OXR1: variants seen among roughly 807,000 people sequenced by gnomAD.
OXR1 encodes oxidation resistance 1, also known as oxidation resistance protein 1.
Under a neutral mutation model 104.6 loss-of-function variants are expected in OXR1, and 41 were observed. The ratio of observed to expected loss-of-function variants is 0.39; its 90% CI spans 0.31 to 0.51. OXR1 has a LOEUF of 0.51. Among genes scored for constraint, OXR1 ranks in the 20% least tolerant of loss-of-function variants. The pLI is 0.77. For synonymous variants in OXR1, 348 were observed against 348.4 expected (o/e 1.00, Z 0.01); for missense variants, 955 against 1,031.9 (o/e 0.93, Z 1.02).
At chr8:106,700,915 A>C (rs925219934) in intron 7 of OXR1, among the ~76,000 whole-genome samples, 4 of 152,034 alleles carry the variant, frequency 2.6e-5, no homozygotes, top group Non-Finnish European at 5.9e-5. Flanking sequence ...CCTTTCTCAA[A>C]TAAGTTTACA....
At chr8:106,318,306 A>T (rs1016976161) in intron 1 of OXR1, among the ~76,000 whole-genome samples, 3 of 152,194 alleles carry the variant, frequency 2.0e-5, no homozygotes, top group African/African-American at 7.2e-5. Context: ...TTTAAAAGCT[A>T]TGTTGTATAG....
At chr8:106,649,907 A>G (rs1196827591) in intron 3 of OXR1, among the ~76,000 whole-genome samples, 1 of 152,286 alleles carries the variant, frequency 6.6e-6, no homozygotes, top group African/African-American at 2.4e-5. Context: ...TGTGTTAGCC[A>G]GAATGGTCTC....
chr8:106,330,863 G>A (rs1037607473), intron 1 of OXR1, among the ~76,000 whole-genome samples: 3 of 152,178 alleles, frequency 2.0e-5, no homozygotes, highest in Middle Eastern at 3.2e-3. Flanking sequence ...CTACTCAAAT[G>A]TGTAGTTGTT....
chr8:106,660,706 C>T (rs1202781778), intron 3 of OXR1, among the ~76,000 whole-genome samples: 1 of 152,108 alleles, frequency 6.6e-6, no homozygotes, highest in East Asian at 1.9e-4. Context: ...TAAGGATAGA[C>T]CAGATAAAAT....
chr8:106,420,375 C>T (rs1353622867), intron 2 of OXR1, among the ~76,000 whole-genome samples: 3 of 151,730 alleles, frequency 2.0e-5, no homozygotes, highest in East Asian at 1.9e-4. Flanking sequence ...TTATTCTTTA[C>T]TAATATATTT....
chr8:106,729,230 A>G (rs1017853774), intron 11 of OXR1, among the ~76,000 whole-genome samples: 1 of 152,118 alleles, frequency 6.6e-6, no homozygotes, highest in Non-Finnish European at 1.5e-5. Context: ...CATAGCAATC[A>G]TACTACAACT....
chr8:106,751,112 C>T lies in OXR1; in HGVS notation c.*171C>T. ...TGGAGTTTATTTTTCAAATCATGTT[C>T]TTGTCCCAGAGTTCTTTAGGTTAAC... On this transcript the variant is annotated 3_prime_UTR_variant, in exon 17 of 17. Transcript: ENST00000517566. 2.0e-6 allele frequency: 1 copy of T among 511,144 alleles called. No homozygotes were observed. Among genetic ancestry groups the T allele is most frequent in the Non-Finnish European group, 3.3e-6 (1 of 300,796 alleles). The allele number at this position is 511,144 out of a possible 1,614,324, so 31.7% of individuals were successfully genotyped here.
intron 2 of OXR1, chr8:106,447,993 C>A (rs1481799031): frequency 2.0e-6 from 3 of 1,530,850 alleles, no homozygotes; most frequent in Admixed American, 3.9e-5. Flanking sequence ...TCCCACACAG[C>A]TATAAGGTTG....
In OXR1 at chr8:106,420,730, T is replaced by TTGTGTGTGTGTGTGTGTGTG. The variant is rs6150748; in HGVS notation, c.23+61104_23+61123dup. On this transcript the variant is annotated intron_variant, in intron 2 of 16. Coordinates refer to ENST00000517566, the MANE Select transcript of OXR1 (RefSeq NM_001198533.2). Reference sequence around the variant, plus strand: ...CATGCTCTGACAATGCATTAAAATATTGTGTGTGTGTGTGTGTGTGTGTGT... The same window carrying TTGTGTGTGTGTGTGTGTGTG: ...CATGCTCTGACAATGCATTAAAATATTGTGTGTGTGTGTGTGTGTGTGTGTGTGTGTGTGTGTGTGTGTGT... Among the ~76,000 whole-genome samples, 314 of 147,280 alleles carry TTGTGTGTGTGTGTGTGTGTG rather than the reference T, an allele frequency of 2.1e-3. 1 individual carries two copies. The highest frequency in any genetic ancestry group is 7.6e-3 in the African/African-American group (304 of 40,038).
chr8:106,510,535 G>A (rs1308518348), intron 2 of OXR1, among the ~76,000 whole-genome samples: 1 of 152,184 alleles, frequency 6.6e-6, no homozygotes, highest in East Asian at 1.9e-4. Context: ...ATTAAACTCT[G>A]AAGAGGCAGA....
intron 1 of OXR1, among the ~76,000 whole-genome samples, chr8:106,309,419 A>G (rs1363285470): frequency 6.6e-6 from 1 of 152,150 alleles, no homozygotes; most frequent in African/African-American, 2.4e-5. Flanking sequence ...TATATACGAC[A>G]TTTACATAGA....
At position 106,713,870 on chromosome 8, in the gene OXR1, A is replaced by G. The variant is rs1831959335; in HGVS notation, c.1841A>G (p.Tyr614Cys). The G allele has an allele frequency of 6.3e-7, 1 of 1,588,602 alleles. No individual in the cohort carries two copies. The highest frequency in any genetic ancestry group is 8.5e-7 in the Non-Finnish European group (1 of 1,172,068). The change falls in exon 11 of 17, where the codon TAT becomes TGT. Residue 614 changes from tyrosine to cysteine, a missense_variant. Transcript: ENST00000517566. ...AFFIQWSPEI[Y>C]AEDTGEYTRE... ...TTCATTCAGTGGAGTCCAGAAATAT[A>G]TGCAGAAGATACTGGCGAATATACC...
intron 2 of OXR1, among the ~76,000 whole-genome samples, chr8:106,463,545 A>G (rs1481014176): frequency 1.3e-5 from 2 of 152,056 alleles, no homozygotes; most frequent in Non-Finnish European, 2.9e-5. Context: ...TTTTCACCCC[A>G]AGACCTAATT....
At chr8:106,328,815 A>G (rs187377202) in intron 1 of OXR1, among the ~76,000 whole-genome samples, 107 of 152,314 alleles carry the variant, frequency 7.0e-4, no homozygotes, top group African/African-American at 2.3e-3. Context: ...TTCTTATTCC[A>G]GAGTCAATAG....
intron 2 of OXR1, among the ~76,000 whole-genome samples, chr8:106,406,792 G>T (rs1818254992): frequency 6.6e-6 from 1 of 152,142 alleles, no homozygotes; most frequent in South Asian, 2.1e-4. Flanking sequence ...TTATACATGT[G>T]TCAGAACTCT....
At chr8:106,332,655 A>G (rs1037303597) in intron 1 of OXR1, among the ~76,000 whole-genome samples, 19 of 152,300 alleles carry the variant, frequency 1.2e-4, no homozygotes, top group Middle Eastern at 3.4e-3. Context: ...TTCTTTATAC[A>G]ACTTTATACA....
At chr8:106,387,072 C>T (rs1817403669) in intron 2 of OXR1, among the ~76,000 whole-genome samples, 1 of 151,998 alleles carries the variant, frequency 6.6e-6, no homozygotes, top group Admixed American at 6.6e-5. Context: ...ATGCACTGGC[C>T]TAACTTAAGA....
At chr8:106,414,444 G>C (rs1310416034) in intron 2 of OXR1, among the ~76,000 whole-genome samples, 1 of 152,120 alleles carries the variant, frequency 6.6e-6, no homozygotes, top group South Asian at 2.1e-4. Context: ...ATTATATATG[G>C]GATCTCATTT....
intron 11 of OXR1, among the ~76,000 whole-genome samples, chr8:106,733,838 A>G (rs1434774877): frequency 1.3e-5 from 2 of 151,262 alleles, no homozygotes; most frequent in Non-Finnish European, 2.9e-5. Context: ...AAAAAAAAAA[A>G]AAAGAAAAGA....
Sources: gnomAD v4.1 joint callset for allele counts (sites outside exome capture counted in the v4.1 genomes callset) on GRCh38, gnomAD v4.1.1 for gene constraint, MANE v1.5 for transcripts, NCBI Gene and HGNC (gene_info 2026-07-23, HGNC 2026-07-21) for gene names.